The following PHKB variants were observed in gnomAD, a reference collection of about 807,000 sequenced individuals.
The protein encoded by PHKB is phosphorylase b kinase regulatory subunit beta.
A neutral mutation model predicts 152.1 loss-of-function variants in PHKB; 122 were observed. The ratio of observed to expected loss-of-function variants is 0.80; its 90% confidence interval spans 0.69 to 0.93. PHKB has a LOEUF of 0.93. Among genes scored for constraint, PHKB ranks in the 40% least tolerant of loss-of-function variants. The pLI, the probability that PHKB is intolerant of heterozygous loss-of-function variation, is 0.00. For synonymous variants in PHKB, 436 were observed against 464.9 expected (o/e 0.94, Z 0.80); for missense variants, 1,304 against 1,328.4 (o/e 0.98, Z 0.29).
intron 1 of PHKB, among the ~76,000 whole-genome samples, chr16:47,468,450 G>A (rs1046021648): frequency 1.3e-5 from 2 of 152,218 alleles, no homozygotes; most frequent in Non-Finnish European, 2.9e-5. Context: ...TCAGAAGTTC[G>A]AGATCAGCCT....
chr16:47,589,729 C>T (rs1971995325), intron 10 of PHKB, among the ~76,000 whole-genome samples: 1 of 152,190 alleles, frequency 6.6e-6, no homozygotes. Flanking sequence ...AGTAAGAAGT[C>T]ATGCACATTG....
At chr16:47,651,051 C>T in intron 20 of PHKB, 130 bp downstream of exon 20, 2 of 724,934 alleles carry the variant, frequency 2.8e-6, no homozygotes, top group Middle Eastern at 6.8e-4. Flanking sequence ...CTTCCTATTC[C>T]TATTGTCACT....
intron 7 of PHKB, among the ~76,000 whole-genome samples, chr16:47,579,292 T>C (rs1028894059): frequency 6.6e-6 from 1 of 152,212 alleles, no homozygotes; most frequent in Non-Finnish European, 1.5e-5. Flanking sequence ...AGGATGTAGA[T>C]GATGATGACA....
Position 47,461,550 on chromosome 16 carries a change from A to G in PHKB, c.76+124A>G, listed in dbSNP as rs1314558669. Reference sequence around the variant, plus strand: ...CCTGTGCCCCGAGTTCCTCCTTAGAAAGCAGGTGGCGGCCCTGGCCTTGTT... The same window carrying G: ...CCTGTGCCCCGAGTTCCTCCTTAGAGAGCAGGTGGCGGCCCTGGCCTTGTT... On this transcript the variant is annotated intron_variant, in intron 1 of 30. Transcript: ENST00000323584. The G allele has an allele frequency of 2.0e-5, 20 of 989,178 alleles. No homozygotes were observed. In the East Asian group the frequency reaches 4.7e-4, roughly 23 times the overall value. The allele number at this position is 989,178 out of a possible 1,614,324, so 61.3% of individuals were successfully genotyped here. A position where few individuals can be genotyped will look rare whatever the true frequency, so the allele number is the denominator to read the frequency against.
At chr16:47,698,188 A>G (rs1974183950) in intron 29 of PHKB, among the ~76,000 whole-genome samples, 1 of 152,218 alleles carries the variant, frequency 6.6e-6, no homozygotes, top group Non-Finnish European at 1.5e-5. Flanking sequence ...GGGTTAGGAA[A>G]GTCATTTTTC....
chr16:47,570,628 A>C (rs987955080), intron 7 of PHKB, among the ~76,000 whole-genome samples: 7 of 151,336 alleles, frequency 4.6e-5, no homozygotes, highest in African/African-American at 1.5e-4. Flanking sequence ...CATTTCCAGA[A>C]GTTCTGTTTT....
chr16:47,611,827 A>G (rs886630921), intron 14 of PHKB, among the ~76,000 whole-genome samples: 7 of 152,188 alleles, frequency 4.6e-5, no homozygotes, highest in East Asian at 1.9e-4. Flanking sequence ...ATGAGAAGCT[A>G]TCTGAGAGAC....
intron 7 of PHKB, among the ~76,000 whole-genome samples, chr16:47,556,923 A>G (rs538450499): frequency 6.6e-6 from 1 of 152,266 alleles, no homozygotes; most frequent in East Asian, 1.9e-4. Flanking sequence ...TTGGCAAGCT[A>G]TTGATTATTG....
chr16:47,663,711 A>T lies in PHKB; in HGVS notation c.2313A>T (p.Arg771Ser). 1 of 1,611,502 alleles carries T rather than the reference A, an allele frequency of 6.2e-7. No individual in the cohort carries two copies. Among genetic ancestry groups the T allele is most frequent in the Non-Finnish European group, 8.5e-7 (1 of 1,177,720 alleles). Residue 771 changes from arginine to serine, a missense_variant, in exon 24 of 31, where the codon AGA becomes AGT. Arg to Ser is a moderately radical substitution (Grantham distance 110, BLOSUM62 -1). Transcript: ENST00000323584. ...TVSDHIERVYRRAGSQKLWLA... is the reference protein window; with the variant it reads ...TVSDHIERVYSRAGSQKLWLA... The stretch of plus-strand genomic sequence containing the variant: ...CTGATCACATTGAGAGAGTCTATAG[A>T]AGAGCTGGCAGCCAAAAACTTTGGT...
rs1974106894 is a variant in PHKB at position 47,694,016 on chromosome 16, C to A, written c.2895+509C>A. On this transcript the variant is annotated intron_variant, in intron 28 of 30. Transcript: ENST00000323584. ...AAAGCATGCATTGGAAAGACAGAACCAGAGCAGACCTAAGAAACAATGGGG... is the reference window on the plus strand; with the variant it reads ...AAAGCATGCATTGGAAAGACAGAACAAGAGCAGACCTAAGAAACAATGGGG... 1.3e-5 allele frequency among the ~76,000 whole-genome samples: 2 copies of A among 152,132 alleles called. 1 individual carries two copies. The highest frequency in any genetic ancestry group is 4.1e-4 in the South Asian group (2 of 4,822).
At chr16:47,652,062 C>G (rs1345410484) in intron 20 of PHKB, among the ~76,000 whole-genome samples, 1 of 151,770 alleles carries the variant, frequency 6.6e-6, no homozygotes, top group Admixed American at 6.6e-5. Context: ...TTCCTTTCCT[C>G]TGTATTATCT....
chr16:47,467,888 G>T (rs1206263583), intron 1 of PHKB, among the ~76,000 whole-genome samples: 1 of 152,162 alleles, frequency 6.6e-6, no homozygotes, highest in Non-Finnish European at 1.5e-5. Context: ...TAGAATTTCT[G>T]ATTCTGATCC....
At chr16:47,487,075 C>G (rs955585669) in intron 1 of PHKB, among the ~76,000 whole-genome samples, 1 of 152,130 alleles carries the variant, frequency 6.6e-6, no homozygotes, top group East Asian at 1.9e-4. Flanking sequence ...CTGACTGATT[C>G]CTTCCCTGGG....
intron 14 of PHKB, among the ~76,000 whole-genome samples, chr16:47,631,493 T>G (rs753363324): frequency 3.9e-5 from 6 of 152,300 alleles, no homozygotes; most frequent in Non-Finnish European, 8.8e-5. Flanking sequence ...TCTTTTTTTA[T>G]TGTACTTTAA....
chr16:47,671,620 A>G (rs1567350066), intron 26 of PHKB, among the ~76,000 whole-genome samples: 1 of 152,174 alleles, frequency 6.6e-6, no homozygotes, highest in Non-Finnish European at 1.5e-5. Flanking sequence ...TTTTCCTTCA[A>G]AATCACATGT....
chr16:47,645,206 T>G (rs1973093869), intron 16 of PHKB, among the ~76,000 whole-genome samples: 1 of 149,446 alleles, frequency 6.7e-6, no homozygotes, highest in Non-Finnish European at 1.5e-5. Context: ...GTGCAGAAGC[T>G]CTTTAGTTTA....
chr16:47,494,888 A>G (rs775674340), intron 1 of PHKB, among the ~76,000 whole-genome samples: 25 of 152,144 alleles, frequency 1.6e-4, no homozygotes, highest in Non-Finnish European at 2.2e-4. Context: ...GATTTGTGGT[A>G]TTGTTTACCA....
At chr16:47,490,864 A>G (rs1443164640) in intron 1 of PHKB, among the ~76,000 whole-genome samples, 2 of 152,172 alleles carry the variant, frequency 1.3e-5, no homozygotes, top group East Asian at 3.8e-4. Context: ...CCTAGTCAAC[A>G]TGTTCACACA....
chr16:47,669,302 T>C lies in PHKB; in HGVS notation c.2515T>C (p.Cys839Arg). The C allele has an allele frequency of 6.2e-7, 1 of 1,613,958 alleles. No homozygotes were observed. Among genetic ancestry groups the C allele is most frequent in the Non-Finnish European group, 8.5e-7 (1 of 1,179,834 alleles). The change falls in exon 26 of 31, where the codon TGT becomes CGT. Residue 839 changes from cysteine to arginine, a missense_variant. Cys to Arg is a radical substitution (Grantham distance 180, BLOSUM62 -3). Transcript: ENST00000323584. ...RVIQNIIYYKCNTHDEREAVI... is the reference protein window; with the variant it reads ...RVIQNIIYYKRNTHDEREAVI... ...GATTCAAAACATCATCTATTATAAG[T>C]GTAACACCCATGATGAGAGGGAAGC...
Sources: allele counts gnomAD v4.1 joint callset (sites outside exome capture counted in the v4.1 genomes callset), GRCh38; gene constraint gnomAD v4.1.1; transcripts MANE v1.5; gene names NCBI Gene and HGNC (gene_info 2026-07-23, HGNC 2026-07-21).